Variants in SSR4 observed in about 807,000 individuals in gnomAD.
SSR4 encodes signal sequence receptor subunit 4, also known as translocon-associated protein subunit delta.
For synonymous variants in SSR4, 84 were observed against 65.6 expected, an observed-to-expected ratio of 1.28 and a Z score of -1.35; for missense variants, 125 against 148.8, an observed-to-expected ratio of 0.84 and a Z score of 0.83.
intron 1 of SSR4, 25 bp downstream of exon 1, chrX:153,794,779 T>G: frequency 8.3e-7 from 1 of 1,204,769 alleles, no homozygotes; most frequent in South Asian, 1.8e-5. Flanking sequence ...GGGGCTTCTT[T>G]CTTGCGAGCC....
Position 153,796,464 on chromosome X carries a change from C to G in SSR4, c.98C>G (p.Pro33Arg). The G allele has an allele frequency of 8.3e-7, 1 of 1,211,488 alleles. No individual in the cohort carries two copies. Among genetic ancestry groups the G allele is most frequent in the Non-Finnish European group, 1.1e-6 (1 of 894,954 alleles). Residue 33 changes from proline to arginine, a missense_variant, in exon 2 of 6, where the codon CCT becomes CGT. Physicochemically the swap from Pro to Arg is moderately radical, Grantham distance 103 (BLOSUM62 -2). Coordinates refer to ENST00000370086, the MANE Select transcript of SSR4 (RefSeq NM_006280.3). The stretch of plus-strand genomic sequence containing the variant: ...GCCTGCCTGGAGCCCCAGATCACCC[C>G]TTCCTACTACACCACTTCTGACGCT... ...AEACLEPQIT[P>R]SYYTTSDAVI...
chrX:153,796,357 C>A, intron 1 of SSR4, 77 bp from the exon 2 acceptor site: 1 of 714,314 alleles, frequency 1.4e-6, no homozygotes, highest in Non-Finnish European at 2.2e-6. Flanking sequence ...TGCTATGAGG[C>A]AGGGCCGGGC....
chrX:153,798,244 G>A (rs1603258582), intron 5 of SSR4, 85 bp from the exon 6 acceptor site: 1 of 1,176,733 alleles, frequency 8.5e-7, no homozygotes, highest in Non-Finnish European at 1.2e-6. Context: ...AGCATGTCTT[G>A]GTTCCCCTGG....
rs369542683 is a variant in SSR4 at position 153,796,498 on chromosome X, C to T, written c.132C>T (p.Ser44=). The change falls in exon 2 of 6, where the codon TCC becomes TCT. Residue 44 remains serine, a synonymous_variant. Coordinates refer to ENST00000370086, the MANE Select transcript of SSR4 (RefSeq NM_006280.3). ...SYYTTSDAVI[S]TETVFIVEIS... ...ACACCACTTCTGACGCTGTCATTTC[C>T]ACTGAGACCGTCTTCATTGTGGAGA... is the stretch of plus-strand genomic sequence containing the variant. 203 of 1,210,060 alleles carry T rather than the reference C, an allele frequency of 1.7e-4. No homozygotes were observed. Among genetic ancestry groups the T allele is most frequent in the Non-Finnish European group, 2.2e-4 (200 of 894,878 alleles).
intron 1 of SSR4, 120 bp downstream of exon 1, chrX:153,794,874 C>T: frequency 1.1e-6 from 1 of 881,660 alleles, no homozygotes; most frequent in African/African-American, 2.0e-5. Flanking sequence ...CCGGGCCTTC[C>T]CCCGAGAGGC....
At chrX:153,797,697 C>T (rs372182467) in intron 3 of SSR4, 28 bp from the exon 4 acceptor site, 19 of 1,191,037 alleles carry the variant, frequency 1.6e-5, no homozygotes, top group Non-Finnish European at 2.0e-5. Flanking sequence ...GTCCACTCTG[C>T]CCACACTCTG....
intron 5 of SSR4, 36 bp from the exon 6 acceptor site, chrX:153,798,293 C>T (rs782181137): frequency 1.3e-5 from 15 of 1,198,739 alleles, no homozygotes; most frequent in Middle Eastern, 2.4e-4. Context: ...CTCACCTGTA[C>T]TCCCCTGAGC....
upstream of SSR4, chrX:153,794,626 C>T (rs781802779): frequency 4.1e-6 from 5 of 1,208,005 alleles, no homozygotes; most frequent in Admixed American, 8.8e-5. Context: ...CGTCGCTCTT[C>T]CTCGTTTGCC....
Position 153,798,135 on chromosome X carries a change from G to A in SSR4, c.416G>A (p.Arg139Gln), listed in dbSNP as rs782486591. ...PPLFTVSVDH[R>Q]GTWNGPWVST... ...CTGTTTACAGTCAGCGTGGACCATC[G>A]GGTGAGTGGCCTGGTCCCTCCTCCT... The change falls in exon 5 of 6, where the codon CGG becomes CAG. Residue 139 changes from arginine (R) to glutamine (Q), a missense_variant and splice_region_variant. By Grantham distance (43) the Arg-to-Gln change is conservative. Transcript: ENST00000370086. The A allele has an allele frequency of 2.0e-5, 24 of 1,208,218 alleles. No individual in the cohort carries two copies. The highest frequency in any genetic ancestry group is 2.5e-5 in the Non-Finnish European group (22 of 893,814).
At chrX:153,796,266 T>G in intron 1 of SSR4, 168 bp from the exon 2 acceptor site, 3 of 434,513 alleles carry the variant, frequency 6.9e-6, no homozygotes, top group South Asian at 3.4e-5. Flanking sequence ...TGCCATTGCA[T>G]TTGTGACCGA....
chrX:153,796,302 C>A, intron 1 of SSR4, 132 bp from the exon 2 acceptor site: 1 of 481,883 alleles, frequency 2.1e-6, no homozygotes, highest in Non-Finnish European at 3.6e-6. Context: ...TCGCATATCC[C>A]ACCTGGAAGG....
At chrX:153,797,879 G>A in intron 4 of SSR4, 65 bp downstream of exon 4, 3 of 986,696 alleles carry the variant, frequency 3.0e-6, no homozygotes, top group East Asian at 3.2e-5. Context: ...TGGGTTGGGA[G>A]GTGCTGGCAG....
At chrX:153,796,802 G>T (rs900314591) in intron 2 of SSR4, 1 of 362,896 alleles carries the variant, frequency 2.8e-6, no homozygotes. Flanking sequence ...TATCTGGACC[G>T]GGAGAAAGGG....
intron 2 of SSR4, 75 bp downstream of exon 2, chrX:153,796,627 C>A (rs782098338): frequency 1.3e-5 from 10 of 762,125 alleles, no homozygotes. Context: ...GGACCTGTGT[C>A]GATAGAGGGA....
rs2092143903 is a variant in SSR4, at chrX:153,796,716, A to G, written c.186+164A>G. 8.7e-6 allele frequency: 4 copies of G among 458,149 alleles called. No individual in the cohort carries two copies. In the Admixed American group the frequency reaches 9.9e-5, roughly 11 times the overall value. The allele number at this position is 458,149 out of a possible 1,213,427, so 37.8% of individuals were successfully genotyped here. Reference sequence around the variant, plus strand: ...AGATCCTAGCCAGTGTTGACAGGTCACCTTCCTCACCTGCTTTGTGTGCTG... The same window carrying G: ...AGATCCTAGCCAGTGTTGACAGGTCGCCTTCCTCACCTGCTTTGTGTGCTG... On this transcript the variant is annotated intron_variant, in intron 2 of 5. Coordinates refer to ENST00000370086, the MANE Select transcript of SSR4 (RefSeq NM_006280.3).
intron 5 of SSR4, 57 bp downstream of exon 5, chrX:153,798,193 C>T (rs1038946041): frequency 2.5e-6 from 3 of 1,179,366 alleles, no homozygotes; most frequent in Non-Finnish European, 3.5e-6. Flanking sequence ...GAAGGTTATC[C>T]TCTCCACAGC....
chrX:153,794,321 C>G, upstream of SSR4: 1 of 1,197,428 alleles, frequency 8.4e-7, no homozygotes, highest in Non-Finnish European at 1.1e-6. Flanking sequence ...CTACCTTCAG[C>G]GCCATGACGG....
rs782696238 is a variant in SSR4 at position 153,798,151 on chromosome X, CCCT to C, written c.417+22_417+24del. The C allele has an allele frequency of 5.0e-6, 6 of 1,205,896 alleles. No homozygotes were observed. The highest frequency in any genetic ancestry group is 1.8e-5 in the South Asian group (1 of 56,720). Reference sequence around the variant, plus strand: ...TGGACCATCGGGTGAGTGGCCTGGTCCCTCCTCCTTTTTGGGGTTGTTGGGCTG... The same window carrying C: ...TGGACCATCGGGTGAGTGGCCTGGTCCCTCCTTTTTGGGGTTGTTGGGCTG... On this transcript the variant is annotated intron_variant, in intron 5 of 5. Coordinates refer to ENST00000370086, the MANE Select transcript of SSR4 (RefSeq NM_006280.3).
At chrX:153,797,286 G>A in intron 2 of SSR4, 172 bp from the exon 3 acceptor site, 1 of 465,821 alleles carries the variant, frequency 2.1e-6, no homozygotes, top group South Asian at 3.1e-5. Context: ...GACCAATGCA[G>A]AGGGCCAGTC....
Sources: gnomAD v4.1 joint callset for allele counts on GRCh38, gnomAD v4.1.1 for gene constraint, MANE v1.5 for transcripts, NCBI Gene and HGNC (gene_info 2026-07-23, HGNC 2026-07-21) for gene names.